TGFB1I1: variants seen among roughly 807,000 people sequenced by gnomAD.
TGFB1I1 encodes transforming growth factor beta-1-induced transcript 1 protein.
Under a neutral mutation model 52.0 loss-of-function variants are expected in TGFB1I1, and 33 were observed. The observed-to-expected ratio is 0.63, with a 90% CI of 0.48 to 0.85. The LOEUF (loss-of-function observed/expected upper bound fraction) is 0.85. Among genes scored for constraint, TGFB1I1 ranks in the 40% least tolerant of loss-of-function variants. The pLI, the probability that TGFB1I1 is intolerant of heterozygous loss-of-function variation, is 0.00. For synonymous variants in TGFB1I1, 236 were observed against 253.3 expected (o/e 0.93, Z 0.65); for missense variants, 577 against 614.9 (o/e 0.94, Z 0.65).
In TGFB1I1 at chr16:31,477,070, G is replaced by C. The variant is rs1003166151; in HGVS notation, c.1119+60G>C. On this transcript the variant is annotated intron_variant, in intron 10 of 10. Transcript: ENST00000394863. This position sits in a 1 kb window ranked among gnomAD's most constrained non-coding sequence, Gnocchi z 4.7. ...GTCAAGGGTACAGGGCTGTGGGGCG[G>C]GGCCTTGGAGGGGCGGGTCAAGGGT... is the stretch of plus-strand genomic sequence containing the variant. The C allele has an allele frequency of 6.1e-6, 9 of 1,471,928 alleles. No individual in the cohort carries two copies. Among genetic ancestry groups the C allele is most frequent in the Non-Finnish European group, 8.2e-6 (9 of 1,103,890 alleles). 91.2% of individuals were successfully genotyped at this position (1,471,928 alleles called of 1,614,324 possible).
At position 31,476,303 on chromosome 16, in the gene TGFB1I1, C is replaced by A; in HGVS notation, c.888+118C>A. On this transcript the variant is annotated intron_variant, in intron 8 of 10. Coordinates refer to ENST00000394863, the MANE Select transcript of TGFB1I1 (RefSeq NM_001042454.3). The surrounding 1 kb of genome is among the most constrained non-coding windows in gnomAD (Gnocchi z 7.6). ...TACCCCACTCCACCCCTACCCCTTCCCCTTGGCAATGTCCACGGCCCCTTG... is the reference window on the plus strand; with the variant it reads ...TACCCCACTCCACCCCTACCCCTTCACCTTGGCAATGTCCACGGCCCCTTG... The A allele has an allele frequency of 7.0e-7, 1 of 1,427,172 alleles. No individual in the cohort carries two copies. Among genetic ancestry groups the A allele is most frequent in the South Asian group, 1.3e-5 (1 of 76,400 alleles). 88.4% of individuals were successfully genotyped at this position (1,427,172 alleles called of 1,614,324 possible).
Position 31,476,104 on chromosome 16 carries a change from G to A in TGFB1I1, c.807G>A (p.Lys269=), listed in dbSNP as rs1390607787. Residue 269 remains lysine (K), a synonymous_variant, in exon 8 of 11, where the codon AAG becomes AAA. Coordinates refer to ENST00000394863, the MANE Select transcript of TGFB1I1 (RefSeq NM_001042454.3). The surrounding 1 kb of genome is among the most constrained non-coding windows in gnomAD (Gnocchi z 7.6). ...TALGGSSFFE[K]DGAPFCPECY... ...TGGGAGGCAGCAGCTTCTTCGAGAA[G>A]GATGGAGCCCCCTTCTGCCCCGAGT... 6.2e-7 allele frequency: 1 copy of A among 1,613,910 alleles called. No homozygotes were observed. Among genetic ancestry groups the A allele is most frequent in the East Asian group, 2.2e-5 (1 of 44,856 alleles).
intron 1 of TGFB1I1, chr16:31,473,202 TG>T (rs2082401106): frequency 1.5e-6 from 2 of 1,328,158 alleles, no homozygotes; most frequent in Admixed American, 6.8e-5. Context: ...TCAGAGAAGA[TG>T]GGGAGAATAA....
chr16:31,476,942 G>C lies in TGFB1I1; in HGVS notation c.1051G>C (p.Gly351Arg). 1 of 1,605,256 alleles carries C rather than the reference G, an allele frequency of 6.2e-7. No individual in the cohort carries two copies. Among genetic ancestry groups the C allele is most frequent in the Non-Finnish European group, 8.5e-7 (1 of 1,178,726 alleles). The change falls in exon 10 of 11, where the codon GGC becomes CGC. Residue 351 changes from glycine to arginine, a missense_variant. This residue lies in a region of TGFB1I1 where 456 missense variants were observed against 461.6 expected (regional missense o/e 0.99). Coordinates refer to ENST00000394863, the MANE Select transcript of TGFB1I1 (RefSeq NM_001042454.3). The surrounding 1 kb of genome is among the most constrained non-coding windows in gnomAD (Gnocchi z 7.6). ...LFAPRCQGCQ[G>R]PILDNYISAL... ...CGCCCCGCGCTGCCAGGGCTGCCAG[G>C]GCCCCATCCTGGATAACTACATCTC... is the stretch of plus-strand genomic sequence containing the variant.
At position 31,472,211 on chromosome 16, in the gene TGFB1I1, G is replaced by A; in HGVS notation, c.13+10G>A. On this transcript the variant is annotated intron_variant, in intron 1 of 10. Transcript: ENST00000394863. ...GCCATGGAGGACCTGGGTGAGTGGGGCCGGATCCCCGGGTCCGTGGCCCCT... is the reference window on the plus strand; with the variant it reads ...GCCATGGAGGACCTGGGTGAGTGGGACCGGATCCCCGGGTCCGTGGCCCCT... 6.7e-7 allele frequency: 1 copy of A among 1,498,012 alleles called. No individual in the cohort carries two copies. The highest frequency in any genetic ancestry group is 8.9e-7 in the Non-Finnish European group (1 of 1,124,086). 92.8% of individuals were successfully genotyped at this position (1,498,012 alleles called of 1,614,324 possible).
At chr16:31,473,121 G>A (rs2082400829) in intron 1 of TGFB1I1, 1 of 924,494 alleles carries the variant, frequency 1.1e-6, no homozygotes, top group African/African-American at 1.7e-5. Flanking sequence ...CTGAGGGCCA[G>A]GCACTGGGCC....
Position 31,476,229 on chromosome 16 carries a change from G to A in TGFB1I1, c.888+44G>A. 1.3e-6 allele frequency: 2 copies of A among 1,591,134 alleles called. No homozygotes were observed. Among genetic ancestry groups the A allele is most frequent in the Non-Finnish European group, 1.7e-6 (2 of 1,169,370 alleles). ...CACCGAGCCCGCCCTATCTCACCAGGAGAGCTGTGGGACGGGCCTCCACCG... is the reference window on the plus strand; with the variant it reads ...CACCGAGCCCGCCCTATCTCACCAGAAGAGCTGTGGGACGGGCCTCCACCG... On this transcript the variant is annotated intron_variant, in intron 8 of 10. Coordinates refer to ENST00000394863, the MANE Select transcript of TGFB1I1 (RefSeq NM_001042454.3). This position sits in a 1 kb window ranked among gnomAD's most constrained non-coding sequence, Gnocchi z 7.6.
In TGFB1I1 at chr16:31,476,387, C is replaced by T. The variant is rs1387416551; in HGVS notation, c.889-94C>T. ...TAGTTAGATCTTCTCCCCCTCCCCC[C>T]ACGCATGCCTTAGTCCAGTCACCCG... On this transcript the variant is annotated intron_variant, in intron 8 of 10. Coordinates refer to ENST00000394863, the MANE Select transcript of TGFB1I1 (RefSeq NM_001042454.3). This position sits in a 1 kb window ranked among gnomAD's most constrained non-coding sequence, Gnocchi z 7.6. 11 of 1,336,320 alleles carry T rather than the reference C, an allele frequency of 8.2e-6. No homozygotes were observed. The highest frequency in any genetic ancestry group is 2.6e-5 in the South Asian group (2 of 76,280). 82.8% of individuals were successfully genotyped at this position (1,336,320 alleles called of 1,614,324 possible).
At chr16:31,473,788 G>T in intron 3 of TGFB1I1, 47 bp from the exon 4 acceptor site, 2 of 1,604,368 alleles carry the variant, frequency 1.2e-6, no homozygotes, top group South Asian at 2.2e-5. Context: ...AGGTGAGGAG[G>T]CTTGGATTCC....
Position 31,476,944 on chromosome 16 carries a change from C to G in TGFB1I1, c.1053C>G (p.Gly351=). ...LFAPRCQGCQ[G]PILDNYISAL... The stretch of plus-strand genomic sequence containing the variant: ...CCCCGCGCTGCCAGGGCTGCCAGGG[C>G]CCCATCCTGGATAACTACATCTCGG... Residue 351 remains glycine (G), a synonymous_variant, in exon 10 of 11, where the codon GGC becomes GGG. Transcript: ENST00000394863. This position sits in a 1 kb window ranked among gnomAD's most constrained non-coding sequence, Gnocchi z 7.6. 1 of 1,604,854 alleles carries G rather than the reference C, an allele frequency of 6.2e-7. No homozygotes were observed. Among genetic ancestry groups the G allele is most frequent in the Non-Finnish European group, 8.5e-7 (1 of 1,178,648 alleles).
chr16:31,475,245 G>A (rs547488861), intron 7 of TGFB1I1: 8 of 159,260 alleles, frequency 5.0e-5, no homozygotes, highest in Non-Finnish European at 9.7e-5. Flanking sequence ...AAAGGAGGGT[G>A]GCATTGTGAC....
Position 31,474,342 on chromosome 16 carries a change from C to T in TGFB1I1, c.414-8C>T. ...GGCTCTGAGATGACACAAGCATGTT[C>T]TTCACAGCCCTTCCAGCCCGTCTCC... On this transcript the variant is annotated splice_region_variant and splice_polypyrimidine_tract_variant and intron_variant, in intron 5 of 10. Transcript: ENST00000394863. The surrounding 1 kb of genome is among the most constrained non-coding windows in gnomAD (Gnocchi z 4.2). 3 of 1,614,174 alleles carry T rather than the reference C, an allele frequency of 1.9e-6. No individual in the cohort carries two copies. The highest frequency in any genetic ancestry group is 2.5e-6 in the Non-Finnish European group (3 of 1,180,030).
chr16:31,477,309 G>A lies in TGFB1I1; in HGVS notation c.1120-1G>A. 1 of 1,602,620 alleles carries A rather than the reference G, an allele frequency of 6.2e-7. No homozygotes were observed. On this transcript the variant is annotated splice_acceptor_variant, in intron 10 of 10. Coordinates refer to ENST00000394863, the MANE Select transcript of TGFB1I1 (RefSeq NM_001042454.3). LOFTEE classifies it high-confidence loss of function. The surrounding 1 kb of genome is among the most constrained non-coding windows in gnomAD (Gnocchi z 4.7). ...CCTCTTTCGCGGCTTCCCTTCCCCAGGAATGCTTCGCGCCCTTCTCGGGAG... is the reference window on the plus strand; with the variant it reads ...CCTCTTTCGCGGCTTCCCTTCCCCAAGAATGCTTCGCGCCCTTCTCGGGAG...
Position 31,476,242 on chromosome 16 carries a change from C to G in TGFB1I1, c.888+57C>G. ...CTATCTCACCAGGAGAGCTGTGGGA[C>G]GGGCCTCCACCGCATGGGTCCCGCC... On this transcript the variant is annotated intron_variant, in intron 8 of 10. Transcript: ENST00000394863. The surrounding 1 kb of genome is among the most constrained non-coding windows in gnomAD (Gnocchi z 7.6). 1 of 1,576,424 alleles carries G rather than the reference C, an allele frequency of 6.3e-7. No individual in the cohort carries two copies. The highest frequency in any genetic ancestry group is 1.2e-5 in the South Asian group (1 of 86,926).
In TGFB1I1 at chr16:31,474,050, G is replaced by A; in HGVS notation, c.325+73G>A. The A allele has an allele frequency of 6.2e-7, 1 of 1,611,050 alleles. No homozygotes were observed. The highest frequency in any genetic ancestry group is 1.7e-5 in the Admixed American group (1 of 59,920). On this transcript the variant is annotated intron_variant, in intron 4 of 10. Coordinates refer to ENST00000394863, the MANE Select transcript of TGFB1I1 (RefSeq NM_001042454.3). The surrounding 1 kb of genome is among the most constrained non-coding windows in gnomAD (Gnocchi z 4.2). The stretch of plus-strand genomic sequence containing the variant: ...GGAAGGGTGGGGCAGAGACTAAGAG[G>A]AATACACTTCCCAGAGTAGCAGTTA...
Position 31,477,607 on chromosome 16 carries a change from G to A in TGFB1I1, c.*31G>A. On this transcript the variant is annotated 3_prime_UTR_variant, in exon 11 of 11. Coordinates refer to ENST00000394863, the MANE Select transcript of TGFB1I1 (RefSeq NM_001042454.3). The surrounding 1 kb of genome is among the most constrained non-coding windows in gnomAD (Gnocchi z 4.7). ...CGCTCGGCTCGCCCTCTCCCCCGGA[G>A]GCCGCGCCCTCCCGGAAAAGCCGGG... 1 of 1,563,434 alleles carries A rather than the reference G, an allele frequency of 6.4e-7. No homozygotes were observed. The highest frequency in any genetic ancestry group is 1.8e-5 in the Admixed American group (1 of 54,196).
At position 31,473,513 on chromosome 16, in the gene TGFB1I1, C is replaced by T. The variant is rs142826505; in HGVS notation, c.86C>T (p.Ala29Val). The T allele has an allele frequency of 3.8e-5, 62 of 1,613,712 alleles. No homozygotes were observed. Among genetic ancestry groups the T allele is most frequent in the African/African-American group, 2.8e-4 (21 of 74,936 alleles). Reference sequence around the variant, plus strand: ...TCAGGGGCTCCCAAAGAGCGCCCTGCGGAGCCTCTCACCCCTCCCCCATCC... The same window carrying T: ...TCAGGGGCTCCCAAAGAGCGCCCTGTGGAGCCTCTCACCCCTCCCCCATCC... ...PRSGAPKERPAEPLTPPPSYG... is the reference protein window; with the variant it reads ...PRSGAPKERPVEPLTPPPSYG... Residue 29 changes from alanine to valine, a missense_variant, in exon 2 of 11, where the codon GCG becomes GTG. By Grantham distance (64) the Ala-to-Val change is moderately conservative. This residue lies in a region of TGFB1I1 where 113 missense variants were observed against 123.9 expected (regional missense o/e 0.91). Coordinates refer to ENST00000394863, the MANE Select transcript of TGFB1I1 (RefSeq NM_001042454.3).
rs1291608795 is a variant in TGFB1I1 at position 31,476,351 on chromosome 16, C to A, written c.889-130C>A. 1.6e-6 allele frequency: 2 copies of A among 1,230,170 alleles called. No individual in the cohort carries two copies. Among genetic ancestry groups the A allele is most frequent in the Non-Finnish European group, 2.3e-6 (2 of 883,532 alleles). 76.2% of individuals were successfully genotyped at this position (1,230,170 alleles called of 1,614,324 possible). A position where few individuals can be genotyped will look rare whatever the true frequency, so the allele number is the denominator to read the frequency against. On this transcript the variant is annotated intron_variant, in intron 8 of 10. Transcript: ENST00000394863. The surrounding 1 kb of genome is among the most constrained non-coding windows in gnomAD (Gnocchi z 7.6). ...TTGGACTCCACTCTTCCTTTCTGAC[C>A]CCCACGTTCCTAGTTAGATCTTCTC...
In TGFB1I1 at chr16:31,477,555, C is replaced by T. The variant is rs577978445; in HGVS notation, c.1365C>T (p.Cys455=). The change falls in exon 11 of 11, where the codon TGC becomes TGT. Residue 455 remains cysteine, a synonymous_variant. Transcript: ENST00000394863. The surrounding 1 kb of genome is among the most constrained non-coding windows in gnomAD (Gnocchi z 4.7). The stretch of plus-strand genomic sequence containing the variant: ...CCGGCAAGCCCTACTGCCAGCCCTG[C>T]TTCCTGAAGCTCTTCGGCTGACAGC... ...ERAGKPYCQP[C]FLKLFG 7.3e-5 allele frequency: 118 copies of T among 1,607,404 alleles called. 3 individuals carry two copies. In the Middle Eastern group the frequency reaches 2.5e-3, roughly 34 times the overall value.
Sources: gnomAD v4.1 joint callset for allele counts on GRCh38, gnomAD v4.1.1 for gene constraint, gnomAD v4.1.1 regional missense constraint, Gnocchi (gnomAD v3.1) non-coding constraint, MANE v1.5 for transcripts, NCBI Gene and HGNC (gene_info 2026-07-23, HGNC 2026-07-21) for gene names.